PRRT1: variants seen among roughly 807,000 people sequenced by gnomAD.
The protein encoded by PRRT1 is proline rich transmembrane protein 1.
A neutral mutation model predicts 22.6 loss-of-function variants in PRRT1; 8 were observed. The ratio of observed to expected loss-of-function variants is 0.35; its 90% CI spans 0.21 to 0.64. PRRT1 has a LOEUF of 0.64. PRRT1 is among the 30% of genes least tolerant of loss of function. The pLI, the probability that PRRT1 is intolerant of heterozygous loss-of-function variation, is 0.69. For synonymous variants in PRRT1, 176 were observed against 203.6 expected, an observed-to-expected ratio of 0.86 and a Z score of 1.15; for missense variants, 315 against 444.5, an observed-to-expected ratio of 0.71 and a Z score of 2.62.
Position 32,149,026 on chromosome 6 carries a change from T to C in PRRT1, c.*196A>G. ...AGCGGCGTCCCTGGGGGTGTGGGTT[T>C]TGGAGGGGTTCCTGAGGAACTGGAT... On this transcript the variant is annotated 3_prime_UTR_variant, in exon 4 of 4. Transcript: ENST00000211413. The surrounding 1 kb of genome is among the most constrained non-coding windows in gnomAD (Gnocchi z 8.7). 1.4e-6 allele frequency: 1 copy of C among 734,724 alleles called. No individual in the cohort carries two copies. The allele number at this position is 734,724 out of a possible 1,614,324, so 45.5% of individuals were successfully genotyped here. A position where few individuals can be genotyped will look rare whatever the true frequency, so the allele number is the denominator to read the frequency against.
chr6:32,149,131 G>T lies in PRRT1; in HGVS notation c.*91C>A. On this transcript the variant is annotated 3_prime_UTR_variant, in exon 4 of 4. Coordinates refer to ENST00000211413, the MANE Select transcript of PRRT1 (RefSeq NM_030651.4). This position sits in a 1 kb window ranked among gnomAD's most constrained non-coding sequence, Gnocchi z 8.7. The stretch of plus-strand genomic sequence containing the variant: ...CCAAGTCTGACGGCCCCAGAAACGG[G>T]TGTGCAGGGCGCCCATTGGGTCCGC... 7.5e-7 allele frequency: 1 copy of T among 1,325,256 alleles called. No homozygotes were observed. The highest frequency in any genetic ancestry group is 1.1e-6 in the Non-Finnish European group (1 of 933,446). 82.1% of individuals were successfully genotyped at this position (1,325,256 alleles called of 1,614,324 possible). A position where few individuals can be genotyped will look rare whatever the true frequency, so the allele number is the denominator to read the frequency against.
Position 32,150,328 on chromosome 6 carries a change from G to C in PRRT1, c.558+40C>G. Reference sequence around the variant, plus strand: ...TCCCCAATTTCAAGTCCTGTATCGCGTCCCCCTCTTTCCCATGTCCCTGTC... The same window carrying C: ...TCCCCAATTTCAAGTCCTGTATCGCCTCCCCCTCTTTCCCATGTCCCTGTC... On this transcript the variant is annotated intron_variant, in intron 2 of 3. Transcript: ENST00000211413. This position sits in a 1 kb window ranked among gnomAD's most constrained non-coding sequence, Gnocchi z 7.2. The C allele has an allele frequency of 6.5e-7, 1 of 1,542,068 alleles. No homozygotes were observed. The highest frequency in any genetic ancestry group is 1.2e-5 in the South Asian group (1 of 81,668).
chr6:32,150,007 C>T lies in PRRT1; in HGVS notation c.559-285G>A, dbSNP rs1394030195. 1.9e-6 allele frequency: 1 copy of T among 519,772 alleles called. No homozygotes were observed. 32.2% of individuals were successfully genotyped at this position (519,772 alleles called of 1,614,324 possible). On this transcript the variant is annotated intron_variant, in intron 2 of 3. Transcript: ENST00000211413. This position sits in a 1 kb window ranked among gnomAD's most constrained non-coding sequence, Gnocchi z 7.2. The stretch of plus-strand genomic sequence containing the variant: ...TCAGGTCAGACCTTCTTTCTTCCCT[C>T]CAGACACCTACCAGGCCTCCCCTAC...
chr6:32,150,487 C>G lies in PRRT1; in HGVS notation c.439G>C (p.Val147Leu), dbSNP rs1053402986. Residue 147 changes from valine to leucine, a missense_variant, in exon 2 of 4, where the codon GTG becomes CTG. Val to Leu is a conservative substitution (Grantham distance 32). Coordinates refer to ENST00000211413, the MANE Select transcript of PRRT1 (RefSeq NM_030651.4). The surrounding 1 kb of genome is among the most constrained non-coding windows in gnomAD (Gnocchi z 7.2). ...ACAGTCCCCGCGTGCGTGGGCACCA[C>G]GAAGCCAGGGGCCTGGGCAGTCTGG... ...PAQTAQAPGFVVPTHAGTVGT... is the reference protein window; with the variant it reads ...PAQTAQAPGFLVPTHAGTVGT... 6.8e-7 allele frequency: 1 copy of G among 1,480,126 alleles called. No homozygotes were observed. Among genetic ancestry groups the G allele is most frequent in the Non-Finnish European group, 8.9e-7 (1 of 1,121,858 alleles). 91.7% of individuals were successfully genotyped at this position (1,480,126 alleles called of 1,614,324 possible). A position where few individuals can be genotyped will look rare whatever the true frequency, so the allele number is the denominator to read the frequency against.
At chr6:32,151,963 G>T, upstream of PRRT1, 1 of 278,490 alleles carries the variant, frequency 3.6e-6, no homozygotes, top group South Asian at 2.5e-5. Flanking sequence ...GGGGGGGGGG[G>T]CGGGGGGGGC....
upstream of PRRT1, chr6:32,152,000 G>GA: frequency 3.7e-5 from 13 of 350,420 alleles, no homozygotes; most frequent in Non-Finnish European, 5.7e-5. Flanking sequence ...GGGAGGGGGG[G>GA]AGCTTAAAGG....
rs1783165340 is a variant in PRRT1 at position 32,149,911 on chromosome 6, T to A, written c.559-189A>T. On this transcript the variant is annotated intron_variant, in intron 2 of 3. Transcript: ENST00000211413. The surrounding 1 kb of genome is among the most constrained non-coding windows in gnomAD (Gnocchi z 8.7). ...CCCCTCTCCTCCCTTCCTTGCTTCA[T>A]TAACCACCATATTCTTGGGCTTTCT... The A allele has an allele frequency of 1.7e-6, 1 of 579,878 alleles. No homozygotes were observed. Among genetic ancestry groups the A allele is most frequent in the East Asian group, 2.9e-5 (1 of 34,162 alleles). The allele number at this position is 579,878 out of a possible 1,614,324, so 35.9% of individuals were successfully genotyped here. A position where few individuals can be genotyped will look rare whatever the true frequency, so the allele number is the denominator to read the frequency against.
Position 32,150,332 on chromosome 6 carries a change from C to T in PRRT1, c.558+36G>A. ...CAATTTCAAGTCCTGTATCGCGTCCCCCTCTTTCCCATGTCCCTGTCTGCC... is the reference window on the plus strand; with the variant it reads ...CAATTTCAAGTCCTGTATCGCGTCCTCCTCTTTCCCATGTCCCTGTCTGCC... On this transcript the variant is annotated intron_variant, in intron 2 of 3. Coordinates refer to ENST00000211413, the MANE Select transcript of PRRT1 (RefSeq NM_030651.4). This position sits in a 1 kb window ranked among gnomAD's most constrained non-coding sequence, Gnocchi z 7.2. The T allele has an allele frequency of 1.9e-6, 3 of 1,547,044 alleles. No individual in the cohort carries two copies. Among genetic ancestry groups the T allele is most frequent in the Non-Finnish European group, 2.6e-6 (3 of 1,154,930 alleles).
chr6:32,148,982 T>G lies in PRRT1; in HGVS notation c.*240A>C. 2 of 694,844 alleles carry G rather than the reference T, an allele frequency of 2.9e-6. No individual in the cohort carries two copies. Among genetic ancestry groups the G allele is most frequent in the Non-Finnish European group, 2.6e-6 (1 of 380,788 alleles). 43.0% of individuals were successfully genotyped at this position (694,844 alleles called of 1,614,324 possible). Reference sequence around the variant, plus strand: ...GCCTGGAGCGACTGAGGGTCCGGCGTTTGGCCGGGATCCCGGAAAGCGGCG... The same window carrying G: ...GCCTGGAGCGACTGAGGGTCCGGCGGTTGGCCGGGATCCCGGAAAGCGGCG... On this transcript the variant is annotated 3_prime_UTR_variant, in exon 4 of 4. Transcript: ENST00000211413. This position sits in a 1 kb window ranked among gnomAD's most constrained non-coding sequence, Gnocchi z 5.7.
rs944506973 is a variant in PRRT1, at chr6:32,148,786, C to T, written c.*436G>A. ...CGTCTGTGGGCGAGGCCTGGAGCCACAAACCCAATCACTGGACTGAATCAC... is the reference window on the plus strand; with the variant it reads ...CGTCTGTGGGCGAGGCCTGGAGCCATAAACCCAATCACTGGACTGAATCAC... On this transcript the variant is annotated 3_prime_UTR_variant, in exon 4 of 4. Transcript: ENST00000211413. The surrounding 1 kb of genome is among the most constrained non-coding windows in gnomAD (Gnocchi z 5.7). 2 of 478,200 alleles carry T rather than the reference C, an allele frequency of 4.2e-6. No homozygotes were observed. Among genetic ancestry groups the T allele is most frequent in the African/African-American group, 3.9e-5 (2 of 51,194 alleles). The allele number at this position is 478,200 out of a possible 1,614,324, so 29.6% of individuals were successfully genotyped here. A position where few individuals can be genotyped will look rare whatever the true frequency, so the allele number is the denominator to read the frequency against.
At position 32,149,117 on chromosome 6, in the gene PRRT1, G is replaced by A; in HGVS notation, c.*105C>T. 8.4e-7 allele frequency: 1 copy of A among 1,193,354 alleles called. No individual in the cohort carries two copies. Among genetic ancestry groups the A allele is most frequent in the Non-Finnish European group, 1.2e-6 (1 of 815,212 alleles). The allele number at this position is 1,193,354 out of a possible 1,614,324, so 73.9% of individuals were successfully genotyped here. On this transcript the variant is annotated 3_prime_UTR_variant, in exon 4 of 4. Coordinates refer to ENST00000211413, the MANE Select transcript of PRRT1 (RefSeq NM_030651.4). This position sits in a 1 kb window ranked among gnomAD's most constrained non-coding sequence, Gnocchi z 8.7. The stretch of plus-strand genomic sequence containing the variant: ...AGTTTACGATGTATCCAAGTCTGAC[G>A]GCCCCAGAAACGGGTGTGCAGGGCG...
rs1402475610 is a variant in PRRT1 at position 32,148,727 on chromosome 6, G to A, written c.*495C>T. On this transcript the variant is annotated 3_prime_UTR_variant, in exon 4 of 4. Coordinates refer to ENST00000211413, the MANE Select transcript of PRRT1 (RefSeq NM_030651.4). The surrounding 1 kb of genome is among the most constrained non-coding windows in gnomAD (Gnocchi z 5.7). ...TGGGGGCCTTACTACCCCAGGGCTCGGTCCTTTTGCCGGAAGAAAGGGAGG... is the reference window on the plus strand; with the variant it reads ...TGGGGGCCTTACTACCCCAGGGCTCAGTCCTTTTGCCGGAAGAAAGGGAGG... 2.2e-6 allele frequency: 1 copy of A among 455,774 alleles called. No homozygotes were observed. The highest frequency in any genetic ancestry group is 2.4e-5 in the Admixed American group (1 of 42,116). The allele number at this position is 455,774 out of a possible 1,614,324, so 28.2% of individuals were successfully genotyped here.
At position 32,149,294 on chromosome 6, in the gene PRRT1, C is replaced by A. The variant is rs763922875; in HGVS notation, c.849G>T (p.Met283Ile). Residue 283 changes from methionine to isoleucine, a missense_variant, in exon 4 of 4, where the codon ATG (methionine) becomes ATT (isoleucine). By Grantham distance (10) the Met-to-Ile change is conservative. Coordinates refer to ENST00000211413, the MANE Select transcript of PRRT1 (RefSeq NM_030651.4). This position sits in a 1 kb window ranked among gnomAD's most constrained non-coding sequence, Gnocchi z 8.7. ...FISLAVGIAA[M>I]VLCTILTVVI... is the part of the protein sequence containing the mutation. ...CTACGGTGAGGATGGTACAGAGCAC[C>A]ATGGCCGCGATGCCCACGGCCAGGG... is the stretch of plus-strand genomic sequence containing the variant. The A allele has an allele frequency of 1.9e-6, 3 of 1,611,168 alleles. No individual in the cohort carries two copies. The South Asian group carries it at 3.3e-5, about 18-fold the overall frequency.
chr6:32,149,164 C>A lies in PRRT1; in HGVS notation c.*58G>T. The A allele has an allele frequency of 6.3e-7, 1 of 1,580,434 alleles. No homozygotes were observed. On this transcript the variant is annotated 3_prime_UTR_variant, in exon 4 of 4. Coordinates refer to ENST00000211413, the MANE Select transcript of PRRT1 (RefSeq NM_030651.4). The surrounding 1 kb of genome is among the most constrained non-coding windows in gnomAD (Gnocchi z 8.7). ...GGCGCCCATTGGGTCCGCGGTATGA[C>A]TGCAGAAAGAGCCTGGGAGATCGAG...
chr6:32,151,580 C>T, intron 1 of PRRT1: 1 of 584,920 alleles, frequency 1.7e-6, no homozygotes, highest in Non-Finnish European at 3.1e-6. Context: ...TCTCAACCTA[C>T]CCCCCTGACC....
Position 32,150,907 on chromosome 6 carries a change from C to G in PRRT1, c.20-1G>C. On this transcript the variant is annotated splice_acceptor_variant, in intron 1 of 3. Transcript: ENST00000211413. LOFTEE classifies it high-confidence loss of function. This position sits in a 1 kb window ranked among gnomAD's most constrained non-coding sequence, Gnocchi z 7.2. Reference sequence around the variant, plus strand: ...GTGTGAGGGACTGAGTCTGGGAGTCCTGGGGGAGGTGAGTGGAGGAGAGTA... The same window carrying G: ...GTGTGAGGGACTGAGTCTGGGAGTCGTGGGGGAGGTGAGTGGAGGAGAGTA... The G allele has an allele frequency of 6.4e-7, 1 of 1,572,394 alleles. No individual in the cohort carries two copies. Among genetic ancestry groups the G allele is most frequent in the Non-Finnish European group, 8.6e-7 (1 of 1,164,928 alleles).
rs543627855 is a variant in PRRT1 at position 32,148,919 on chromosome 6, T to A, written c.*303A>T. On this transcript the variant is annotated 3_prime_UTR_variant, in exon 4 of 4. Coordinates refer to ENST00000211413, the MANE Select transcript of PRRT1 (RefSeq NM_030651.4). The surrounding 1 kb of genome is among the most constrained non-coding windows in gnomAD (Gnocchi z 5.7). ...CGGGGTTTTAGGGACCAAACCGAGG[T>A]TGCTCGGTTGGGGGCGCTACACTTT... 1.5e-6 allele frequency: 1 copy of A among 660,308 alleles called. No individual in the cohort carries two copies. Among genetic ancestry groups the A allele is most frequent in the Admixed American group, 2.1e-5 (1 of 48,570 alleles). 40.9% of individuals were successfully genotyped at this position (660,308 alleles called of 1,614,324 possible).
intron 1 of PRRT1, 135 bp downstream of exon 1, chr6:32,151,674 G>A (rs1415459231): frequency 3.1e-6 from 2 of 636,030 alleles, no homozygotes; most frequent in African/African-American, 1.8e-5. Context: ...GGGGACTGGG[G>A]GAGTGTTGAG....
chr6:32,151,934 A>T lies in PRRT1; in HGVS notation c.-107T>A, dbSNP rs753747167. 1.3e-5 allele frequency: 6 copies of T among 470,886 alleles called. No individual in the cohort carries two copies. The highest frequency in any genetic ancestry group is 2.4e-5 in the Non-Finnish European group (6 of 253,874). The allele number at this position is 470,886 out of a possible 1,614,324, so 29.2% of individuals were successfully genotyped here. On this transcript the variant is annotated 5_prime_UTR_variant, in exon 1 of 4. Coordinates refer to ENST00000211413, the MANE Select transcript of PRRT1 (RefSeq NM_030651.4). ...GCAGCCGGCAGCAGCGCAGAGATGG[A>T]GAGATGAAGGCAGCGGCGGGGGGGG...
Sources: gnomAD v4.1 joint callset for allele counts on GRCh38, gnomAD v4.1.1 for gene constraint, Gnocchi (gnomAD v3.1) non-coding constraint, MANE v1.5 for transcripts, NCBI Gene and HGNC (gene_info 2026-07-23, HGNC 2026-07-21) for gene names.